ITFG1: variants seen among roughly 807,000 people sequenced by gnomAD.
ITFG1 encodes the protein integrin alpha FG-GAP repeat containing 1.
ITFG1 carries 34 observed loss-of-function variants against 81.8 expected under a neutral mutation model. That is an observed-to-expected ratio of 0.42 (90% CI 0.32 to 0.55). The LOEUF (loss-of-function observed/expected upper bound fraction) is 0.55. Among genes scored for constraint, ITFG1 ranks in the 20% least tolerant of loss-of-function variants. ITFG1 has a pLI of 0.17. For synonymous variants in ITFG1, 285 were observed against 270.6 expected, an observed-to-expected ratio of 1.05 and a Z score of -0.52; for missense variants, 672 against 755.4, an observed-to-expected ratio of 0.89 and a Z score of 1.29.
At chr16:47,188,238 T>C (rs1965248618) in intron 14 of ITFG1, among the ~76,000 whole-genome samples, 1 of 152,006 alleles carries the variant, frequency 6.6e-6, no homozygotes, top group Non-Finnish European at 1.5e-5. Context: ...AGAAATACCA[T>C]TTGACCCAGC....
At chr16:47,325,162 A>G (rs1967515104) in intron 8 of ITFG1, among the ~76,000 whole-genome samples, 1 of 152,192 alleles carries the variant, frequency 6.6e-6, no homozygotes, top group Non-Finnish European at 1.5e-5. Flanking sequence ...TCAAACTAGA[A>G]CTCAGGATTA....
intron 6 of ITFG1, among the ~76,000 whole-genome samples, chr16:47,420,204 C>T: frequency 6.6e-6 from 1 of 152,100 alleles, no homozygotes; most frequent in Middle Eastern, 3.2e-3. Context: ...TGAGAAGATG[C>T]TTGATATGAT....
intron 6 of ITFG1, among the ~76,000 whole-genome samples, chr16:47,417,084 T>C (rs1968884589): frequency 6.6e-6 from 1 of 152,236 alleles, no homozygotes; most frequent in Non-Finnish European, 1.5e-5. Flanking sequence ...TTGTTTTTGA[T>C]GGCTGATGGC....
intron 9 of ITFG1, chr16:47,312,172 T>C (rs1240363928): frequency 6.6e-6 from 1 of 152,210 alleles, no homozygotes; most frequent in Non-Finnish European, 1.5e-5. Context: ...TTTTAATAAC[T>C]AGAAATTTGA....
intron 13 of ITFG1, among the ~76,000 whole-genome samples, chr16:47,231,578 T>C (rs1965817110): frequency 6.6e-6 from 1 of 152,208 alleles, no homozygotes; most frequent in South Asian, 2.1e-4. Flanking sequence ...TAGTCGTACC[T>C]GAAACACAAA....
Position 47,230,445 on chromosome 16 carries a change from A to C in ITFG1, c.1374+7520T>G, listed in dbSNP as rs571521916. The stretch of plus-strand genomic sequence containing the variant: ...TGCAGGCAACTCGAGTTTGGCTGAG[A>C]AAAGAAAAGAGAGATGGGTAGTAGC... On this transcript the variant is annotated intron_variant, in intron 13 of 17. Transcript: ENST00000320640. 2.0e-5 allele frequency among the ~76,000 whole-genome samples: 3 copies of C among 152,300 alleles called. No individual in the cohort carries two copies. The East Asian group carries it at 5.8e-4, about 29-fold the overall frequency.
At chr16:47,330,697 C>T (rs780246518) in intron 8 of ITFG1, among the ~76,000 whole-genome samples, 1 of 152,002 alleles carries the variant, frequency 6.6e-6, no homozygotes, top group Non-Finnish European at 1.5e-5. Context: ...AGAAGACATA[C>T]GAGCAGCCGA....
chr16:47,365,898 AC>A, intron 7 of ITFG1, 29 bp from the exon 8 acceptor site: 1 of 1,164,754 alleles, frequency 8.6e-7, no homozygotes, highest in Non-Finnish European at 1.3e-6. Context: ...TTTGAATTAG[AC>A]CATCTTAATC....
chr16:47,365,250 T>C (rs1968161336), intron 8 of ITFG1, among the ~76,000 whole-genome samples: 1 of 152,158 alleles, frequency 6.6e-6, no homozygotes, highest in African/African-American at 2.4e-5. Context: ...ACAATTACTC[T>C]GACAAATGAT....
intron 14 of ITFG1, 62 bp downstream of exon 14, chr16:47,218,806 A>G (rs1054025086): frequency 2.7e-5 from 26 of 971,124 alleles, no homozygotes; most frequent in Non-Finnish European, 4.0e-5. Flanking sequence ...CCACCAGTTT[A>G]CCTTGCTAAT....
rs144451413 is a variant in ITFG1, at chr16:47,236,635, A to G, written c.1374+1330T>C. Among the ~76,000 whole-genome samples the G allele has an allele frequency of 2.5e-3, 376 of 152,242 alleles. 2 individuals are homozygous for G. Among genetic ancestry groups the G allele is most frequent in the African/African-American group, 8.3e-3 (343 of 41,542 alleles). Reference sequence around the variant, plus strand: ...TAATAATCAAAGAGCCACAGAATGGAGATATGGTTAGTTAGAGGGAGAAAT... The same window carrying G: ...TAATAATCAAAGAGCCACAGAATGGGGATATGGTTAGTTAGAGGGAGAAAT... On this transcript the variant is annotated intron_variant, in intron 13 of 17. Coordinates refer to ENST00000320640, the MANE Select transcript of ITFG1 (RefSeq NM_030790.5).
chr16:47,174,808 C>T (rs1199764596), intron 14 of ITFG1, among the ~76,000 whole-genome samples: 1 of 152,224 alleles, frequency 6.6e-6, no homozygotes, highest in Non-Finnish European at 1.5e-5. Context: ...GCATGAGCCA[C>T]CGCGCCCGGC....
intron 5 of ITFG1, chr16:47,449,281 G>T (rs550978506): frequency 1.4e-4 from 22 of 152,308 alleles, no homozygotes; most frequent in African/African-American, 4.8e-4. Flanking sequence ...TAGATTTCTT[G>T]ATAAATAAAA....
chr16:47,444,247 A>G (rs1969293480), intron 5 of ITFG1, among the ~76,000 whole-genome samples: 1 of 152,226 alleles, frequency 6.6e-6, no homozygotes, highest in African/African-American at 2.4e-5. Context: ...AAAATAGGTT[A>G]TAAAAATAAG....
rs1460712239 is a variant in ITFG1, at chr16:47,178,580, A to G, written c.1454-15916T>C. Among the ~76,000 whole-genome samples the G allele has an allele frequency of 3.3e-5, 5 of 152,198 alleles. No individual in the cohort carries two copies. In the East Asian group the frequency reaches 9.6e-4, roughly 29 times the overall value. On this transcript the variant is annotated intron_variant, in intron 14 of 17. Transcript: ENST00000320640. ...CACCTTATACAAAAATTAATTCAAG[A>G]TGGATTAAAGACTTAAATGTTAGAC...
At chr16:47,286,368 G>T (rs757823733) in intron 10 of ITFG1, among the ~76,000 whole-genome samples, 1 of 151,926 alleles carries the variant, frequency 6.6e-6, no homozygotes, top group Non-Finnish European at 1.5e-5. Context: ...GGCTGGGCGC[G>T]GTGGCTCACA....
intron 14 of ITFG1, among the ~76,000 whole-genome samples, chr16:47,177,315 C>T (rs927921452): frequency 5.3e-5 from 8 of 152,010 alleles, no homozygotes; most frequent in African/African-American, 1.5e-4. Context: ...ATCATACTCC[C>T]TTGTTTCTAA....
chr16:47,204,207 C>T (rs1965463540), intron 14 of ITFG1, among the ~76,000 whole-genome samples: 1 of 152,182 alleles, frequency 6.6e-6, no homozygotes, highest in Non-Finnish European at 1.5e-5. Flanking sequence ...TGGCATCTGA[C>T]AGCCCACTTG....
At chr16:47,414,909 T>C (rs1968855182) in intron 6 of ITFG1, among the ~76,000 whole-genome samples, 1 of 152,246 alleles carries the variant, frequency 6.6e-6, no homozygotes, top group Admixed American at 6.5e-5. Flanking sequence ...GCCATTTTCA[T>C]GGCTTCAACA....
Sources: gnomAD v4.1 joint callset for allele counts (sites outside exome capture counted in the v4.1 genomes callset) on GRCh38, gnomAD v4.1.1 for gene constraint, MANE v1.5 for transcripts, NCBI Gene and HGNC (gene_info 2026-07-23, HGNC 2026-07-21) for gene names.